KATNAL2: variants seen among roughly 807,000 people sequenced by gnomAD.
KATNAL2 encodes the protein katanin p60 ATPase-containing subunit A-like 2.
Under a neutral mutation model 76.3 loss-of-function variants are expected in KATNAL2, and 52 were observed. The observed-to-expected ratio is 0.68, with a 90% CI of 0.55 to 0.86. The LOEUF is 0.86. Ranked by LOEUF, KATNAL2 falls within the 40% of genes least tolerant of loss-of-function variation. The pLI is 0.00. For synonymous variants in KATNAL2, 243 were observed against 244.2 expected (o/e 1.00, Z 0.05); for missense variants, 660 against 668.9 (o/e 0.99, Z 0.15).
intron 3 of KATNAL2, chr18:47,034,214 G>A (rs1172294682): frequency 1.2e-6 from 2 of 1,613,860 alleles, no homozygotes; most frequent in East Asian, 4.5e-5. Context: ...GCAGTCGGTG[G>A]CTTCCCCTCT....
intron 8 of KATNAL2, 90 bp downstream of exon 8, chr18:47,059,744 G>T: frequency 1.0e-6 from 1 of 954,828 alleles, no homozygotes; most frequent in Non-Finnish European, 1.7e-6. Context: ...TTGTCAAACA[G>T]GAAAGTTAAG....
chr18:47,100,397 G>T (rs761793476), intron 17 of KATNAL2, 41 bp downstream of exon 17: 3 of 1,524,552 alleles, frequency 2.0e-6, no homozygotes, highest in Admixed American at 3.4e-5. Context: ...AGGAATTTGT[G>T]TAAAAATCCC....
chr18:47,034,076 T>C (rs2060633032), intron 3 of KATNAL2: 2 of 1,614,244 alleles, frequency 1.2e-6, no homozygotes. Context: ...CCAGTCTTTT[T>C]CTTTTGCTTC....
chr18:47,089,361 AT>A (rs1005675171), intron 15 of KATNAL2, among the ~76,000 whole-genome samples: 6 of 151,984 alleles, frequency 3.9e-5, no homozygotes, highest in African/African-American at 1.5e-4. Flanking sequence ...CAGCCTTCCC[AT>A]TTTTTTCCTC....
intron 15 of KATNAL2, 33 bp from the exon 16 acceptor site, chr18:47,099,210 C>T: frequency 6.3e-7 from 1 of 1,580,230 alleles, no homozygotes; most frequent in South Asian, 1.2e-5. Flanking sequence ...GTGTTTGCAG[C>T]CCTGTCCAGC....
Position 47,032,436 on chromosome 18 carries a change from C to T in KATNAL2, c.52-14021C>T, listed in dbSNP as rs144397761. ...CTAGTTTTGATATCTTTTGCAGAGACGGGGTTTTCCTATTTTGCCCAGGCT... is the reference window on the plus strand; with the variant it reads ...CTAGTTTTGATATCTTTTGCAGAGATGGGGTTTTCCTATTTTGCCCAGGCT... On this transcript the variant is annotated intron_variant, in intron 3 of 17. Coordinates refer to ENST00000683218, the MANE Select transcript of KATNAL2 (RefSeq NM_001387690.1). 44 of 166,092 alleles carry T rather than the reference C, an allele frequency of 2.6e-4. No homozygotes were observed. The East Asian group carries it at 6.4e-3, about 24-fold the overall frequency. 10.3% of individuals were successfully genotyped at this position (166,092 alleles called of 1,614,324 possible).
At position 47,043,245 on chromosome 18, in the gene KATNAL2, A is replaced by AAAAAAAAAAAAAAAAAAAAAAAAAAAAT. The variant is rs376877321; in HGVS notation, c.52-3212_52-3211insAAAAAAAAAAAAAAAAAAAAAAAAAAAT. On this transcript the variant is annotated intron_variant, in intron 3 of 17. Coordinates refer to ENST00000683218, the MANE Select transcript of KATNAL2 (RefSeq NM_001387690.1). ...CCGTTTCAAAAAAAAAAAAAAAAAA[A>AAAAAAAAAAAAAAAAAAAAAAAAAAAAT]GAGATCCTAAAAGCTTCCTGGGAAG... is the stretch of plus-strand genomic sequence containing the variant. Among the ~76,000 whole-genome samples the AAAAAAAAAAAAAAAAAAAAAAAAAAAAT allele has an allele frequency of 1.4e-3, 132 of 93,142 alleles. 29 individuals carry two copies. The highest frequency in any genetic ancestry group is 2.3e-3 in the African/African-American group (58 of 24,720). The allele number at this position is 93,142 out of a possible 152,430, so 61.1% of individuals were successfully genotyped here.
intron 5 of KATNAL2, among the ~76,000 whole-genome samples, chr18:47,053,472 A>C (rs1002152109): frequency 6.6e-6 from 1 of 152,220 alleles, no homozygotes; most frequent in Non-Finnish European, 1.5e-5. Context: ...TGTATAGATA[A>C]TGAAAAGCTT....
chr18:47,039,932 T>C (rs903912734), intron 3 of KATNAL2, among the ~76,000 whole-genome samples: 6 of 152,162 alleles, frequency 3.9e-5, no homozygotes, highest in African/African-American at 9.7e-5. Context: ...GATATGGACA[T>C]TGTTAGAAAT....
At chr18:46,943,915 C>G (rs2059315115) in intron 1 of KATNAL2, among the ~76,000 whole-genome samples, 1 of 152,200 alleles carries the variant, frequency 6.6e-6, no homozygotes. Context: ...AAAGGACTTC[C>G]ACACAGAGAT....
chr18:47,100,754 A>T (rs1391339784), intron 17 of KATNAL2, 112 bp from the exon 18 acceptor site: 2 of 1,321,966 alleles, frequency 1.5e-6, no homozygotes, highest in Non-Finnish European at 2.1e-6. Context: ...TGCATTAACA[A>T]TTAAGAATGC....
At chr18:47,039,713 A>T (rs529534757) in intron 3 of KATNAL2, among the ~76,000 whole-genome samples, 1 of 152,342 alleles carries the variant, frequency 6.6e-6, no homozygotes, top group South Asian at 2.1e-4. Flanking sequence ...CATTTGCACA[A>T]GTACATGTTT....
rs375305878 is a variant in KATNAL2, at chr18:47,033,075, C to T, written c.52-13382C>T. ...TCAGCGGGGCCACTTTCTTGGCAGCCTGTTTCCGGGTTTTGGCCGCGGGCG... is the reference window on the plus strand; with the variant it reads ...TCAGCGGGGCCACTTTCTTGGCAGCTTGTTTCCGGGTTTTGGCCGCGGGCG... On this transcript the variant is annotated intron_variant, in intron 3 of 17. Transcript: ENST00000683218. 23 of 1,614,016 alleles carry T rather than the reference C, an allele frequency of 1.4e-5. No individual in the cohort carries two copies. In the African/African-American group the frequency reaches 2.9e-4, roughly 21 times the overall value.
intron 1 of KATNAL2, among the ~76,000 whole-genome samples, chr18:46,933,408 A>G (rs13381557): frequency 0.45 from 67,642 of 151,932 alleles, 15,131 homozygotes; most frequent in Middle Eastern, 0.52. Context: ...TGAAGAGGTT[A>G]ATAAACATGC....
intron 15 of KATNAL2, among the ~76,000 whole-genome samples, chr18:47,088,069 G>T (rs565031917): frequency 6.6e-6 from 1 of 152,254 alleles, no homozygotes; most frequent in East Asian, 1.9e-4. Context: ...GCAGTTCTTC[G>T]TTCAGTGTTT....
Position 47,100,871 on chromosome 18 carries a change from A to G in KATNAL2, c.1483A>G (p.Ser495Gly). 6.2e-7 allele frequency: 1 copy of G among 1,614,200 alleles called. No homozygotes were observed. Among genetic ancestry groups the G allele is most frequent in the Non-Finnish European group, 8.5e-7 (1 of 1,180,026 alleles). Residue 495 changes from serine (S) to glycine (G), a missense_variant, in exon 18 of 18, where the codon AGC becomes GGC. Ser to Gly is a moderately conservative substitution (Grantham distance 56). Transcript: ENST00000683218. ...CTGTTGTGTTCTTATCCTAGAAAGC[A>G]GCGACTTACCCAGGATCCAGTTGGA... ...DALENHQSES[S>G]DLPRIQLDIV...
chr18:46,954,697 A>G (rs2059672635), intron 3 of KATNAL2, among the ~76,000 whole-genome samples: 1 of 151,734 alleles, frequency 6.6e-6, no homozygotes, highest in Non-Finnish European at 1.5e-5. Flanking sequence ...AGGCTGGAGT[A>G]CAATGGCGCA....
At chr18:47,054,054 A>G (rs956220852) in intron 5 of KATNAL2, among the ~76,000 whole-genome samples, 2 of 152,214 alleles carry the variant, frequency 1.3e-5, no homozygotes, top group African/African-American at 4.8e-5. Flanking sequence ...TGTCCCATGT[A>G]ATGCAGCAAA....
chr18:46,937,359 G>C (rs2059123890), intron 1 of KATNAL2, among the ~76,000 whole-genome samples: 1 of 151,772 alleles, frequency 6.6e-6, no homozygotes, highest in South Asian at 2.1e-4. Context: ...AGACATAATA[G>C]CTAAATGTTT....
Sources: allele counts gnomAD v4.1 joint callset (sites outside exome capture counted in the v4.1 genomes callset), GRCh38; gene constraint gnomAD v4.1.1; transcripts MANE v1.5; gene names NCBI Gene and HGNC (gene_info 2026-07-23, HGNC 2026-07-21).